The following CPE variants were observed in gnomAD, a reference collection of about 807,000 sequenced individuals.
CPE encodes carboxypeptidase E.
A neutral mutation model predicts 53.5 loss-of-function variants in CPE; 17 were observed. That is an observed-to-expected ratio of 0.32 (90% CI 0.22 to 0.48). CPE has a LOEUF of 0.48. Among genes scored for constraint, CPE ranks in the 20% least tolerant of loss-of-function variants. CPE has a pLI of 0.99. For synonymous variants in CPE, 226 were observed against 228.8 expected, an observed-to-expected ratio of 0.99 and a Z score of 0.11; for missense variants, 524 against 614.7, an observed-to-expected ratio of 0.85 and a Z score of 1.56.
At chr4:165,469,785 G>A (rs755581373) in intron 3 of CPE, among the ~76,000 whole-genome samples, 6 of 152,196 alleles carry the variant, frequency 3.9e-5, no homozygotes, top group Non-Finnish European at 7.3e-5. Context: ...CTGAGGGCCT[G>A]TTATGAATAA....
intron 1 of CPE, chr4:165,404,916 C>T (rs1215507956): frequency 1.3e-6 from 1 of 760,648 alleles, no homozygotes; most frequent in African/African-American, 1.7e-5. Context: ...ATTTCACTGA[C>T]TGGGAGAGGA....
At chr4:165,454,445 G>T (rs1731867595) in intron 1 of CPE, among the ~76,000 whole-genome samples, 1 of 152,186 alleles carries the variant, frequency 6.6e-6, no homozygotes, top group Admixed American at 6.5e-5. Context: ...ATGTTCCAAA[G>T]GTCTCCTGGG....
At chr4:165,470,417 G>A (rs1393717112) in intron 3 of CPE, among the ~76,000 whole-genome samples, 3 of 152,048 alleles carry the variant, frequency 2.0e-5, no homozygotes, top group Admixed American at 6.6e-5. Context: ...CTCTTGAGTT[G>A]TTCTTCCCTT....
At chr4:165,472,206 T>C (rs114890459) in intron 3 of CPE, among the ~76,000 whole-genome samples, 22,094 of 152,146 alleles carry the variant, frequency 0.15, 1,934 homozygotes, top group East Asian at 0.23. Context: ...GCCTGGTATT[T>C]GTGAACATTT....
intron 3 of CPE, among the ~76,000 whole-genome samples, chr4:165,474,754 C>T (rs1469419925): frequency 6.6e-6 from 1 of 152,202 alleles, no homozygotes; most frequent in Non-Finnish European, 1.5e-5. Context: ...TCATGTCTGT[C>T]ATATGGGTCT....
chr4:165,482,105 C>A (rs2126711279), intron 3 of CPE, 137 bp from the exon 4 acceptor site: 1 of 431,350 alleles, frequency 2.3e-6, no homozygotes, highest in Non-Finnish European at 4.0e-6. Flanking sequence ...TTTATTTTTT[C>A]TGTGAGGACA....
intron 1 of CPE, among the ~76,000 whole-genome samples, chr4:165,398,369 T>C (rs932838839): frequency 1.3e-5 from 2 of 152,118 alleles, no homozygotes; most frequent in Admixed American, 6.5e-5. Flanking sequence ...CATACACATA[T>C]ACACATATAT....
In CPE at chr4:165,486,920, C is replaced by A. The variant is rs993306072; in HGVS notation, c.974-518C>A. Among the ~76,000 whole-genome samples, 12 of 152,260 alleles carry A rather than the reference C, an allele frequency of 7.9e-5. 1 individual carries two copies. In the East Asian group the frequency reaches 2.3e-3, roughly 29 times the overall value. ...ACTTTGGCAAAGAAATCTCCTAAAA[C>A]AATTGAGACTTGTCTCATCATTTTC... is the stretch of plus-strand genomic sequence containing the variant. On this transcript the variant is annotated intron_variant, in intron 5 of 8. Transcript: ENST00000402744.
intron 1 of CPE, among the ~76,000 whole-genome samples, chr4:165,380,242 T>G (rs932975801): frequency 1.3e-4 from 20 of 152,200 alleles, no homozygotes; most frequent in African/African-American, 4.8e-4. Flanking sequence ...TGAAACCAGA[T>G]TTTGAAACTG....
chr4:165,394,382 C>T (rs1017869218), intron 1 of CPE, among the ~76,000 whole-genome samples: 2 of 152,116 alleles, frequency 1.3e-5, no homozygotes, highest in African/African-American at 4.8e-5. Flanking sequence ...AATTTAAGCC[C>T]GGCATCTCCC....
chr4:165,386,522 G>A (rs755211475), intron 1 of CPE, among the ~76,000 whole-genome samples: 4 of 152,088 alleles, frequency 2.6e-5, no homozygotes, highest in African/African-American at 4.8e-5. Flanking sequence ...GGATAGAGAT[G>A]GTACTTTTCT....
chr4:165,379,514 G>T lies in CPE; in HGVS notation c.293G>T (p.Gly98Val). 6.3e-7 allele frequency: 1 copy of T among 1,587,670 alleles called. No individual in the cohort carries two copies. Among genetic ancestry groups the T allele is most frequent in the Non-Finnish European group, 8.6e-7 (1 of 1,162,568 alleles). ...LLVIELSDNPGVHEPGEPEFK... is the reference protein window; with the variant it reads ...LLVIELSDNPVVHEPGEPEFK... ...GTCATCGAGCTGTCCGACAACCCTG[G>T]CGTCCATGAGCCTGGTAAGGGCGCT... The change falls in exon 1 of 9, where the codon GGC becomes GTC. Residue 98 changes from glycine to valine, a missense_variant. Transcript: ENST00000402744. The surrounding 1 kb of genome is among the most constrained non-coding windows in gnomAD (Gnocchi z 6.0).
At chr4:165,492,362 C>T (rs1027710210) in intron 6 of CPE, among the ~76,000 whole-genome samples, 1 of 152,044 alleles carries the variant, frequency 6.6e-6, no homozygotes, top group East Asian at 1.9e-4. Context: ...TTGACAGTAG[C>T]CATATAATGA....
At chr4:165,461,184 A>AAAAAAAAAAAAAAAAAAAAC (rs1731995852) in intron 1 of CPE, among the ~76,000 whole-genome samples, 1 of 106,758 alleles carries the variant, frequency 9.4e-6, no homozygotes, top group Non-Finnish European at 1.8e-5. Flanking sequence ...AAAAAAAAAA[A>AAAAAAAAAAAAAAAAAAAAC]AAAGAAAGAA....
chr4:165,494,007 T>C (rs1031598719), intron 7 of CPE, among the ~76,000 whole-genome samples: 1 of 152,236 alleles, frequency 6.6e-6, no homozygotes, highest in East Asian at 1.9e-4. Context: ...TTTGTGACAA[T>C]TAACCTTTAA....
intron 1 of CPE, among the ~76,000 whole-genome samples, chr4:165,393,695 G>A (rs1372682589): frequency 1.3e-5 from 2 of 152,138 alleles, no homozygotes; most frequent in Non-Finnish European, 1.5e-5. Context: ...AGGGTCATGA[G>A]CTGTTTATGT....
intron 1 of CPE, among the ~76,000 whole-genome samples, chr4:165,459,674 T>TGGGGCG (rs1553976463): frequency 3.5e-5 from 2 of 56,660 alleles, no homozygotes; most frequent in Non-Finnish European, 6.9e-5. Flanking sequence ...GAGGGCTGGG[T>TGGGGCG]GGGGGGGGGC....
intron 8 of CPE, 23 bp from the exon 9 acceptor site, chr4:165,497,489 A>G (rs1408317367): frequency 7.4e-7 from 1 of 1,346,480 alleles, no homozygotes. Flanking sequence ...TGATAATAAT[A>G]TGTTCTTGAT....
intron 1 of CPE, among the ~76,000 whole-genome samples, chr4:165,393,995 C>G (rs1437440070): frequency 6.6e-6 from 1 of 152,122 alleles, no homozygotes; most frequent in Non-Finnish European, 1.5e-5. Context: ...AGGGCTGGGC[C>G]TTCAGGAAGG....
Sources: allele counts gnomAD v4.1 joint callset (sites outside exome capture counted in the v4.1 genomes callset), GRCh38; gene constraint gnomAD v4.1.1; non-coding constraint Gnocchi (gnomAD v3.1); transcripts MANE v1.5; gene names NCBI Gene and HGNC (gene_info 2026-07-23, HGNC 2026-07-21).